The following KRT8 variants were observed in gnomAD, a reference collection of about 807,000 sequenced individuals.
KRT8 encodes the protein keratin, type II cytoskeletal 8.
KRT8 carries 24 observed loss-of-function variants against 43.0 expected under a neutral mutation model. The observed-to-expected ratio is 0.56, with a 90% CI of 0.40 to 0.78. The LOEUF (loss-of-function observed/expected upper bound fraction) is 0.78, where lower values mean the gene tolerates loss of function less well. Among genes scored for constraint, KRT8 ranks in the 30% least tolerant of loss-of-function variants. KRT8 has a pLI of 0.00. For synonymous variants in KRT8, 214 were observed against 261.2 expected, an observed-to-expected ratio of 0.82 and a Z score of 1.74; for missense variants, 492 against 638.4, an observed-to-expected ratio of 0.77 and a Z score of 2.47.
At chr12:52,934,457 G>T (rs1022844885) in intron 2 of KRT8, among the ~76,000 whole-genome samples, 1 of 152,124 alleles carries the variant, frequency 6.6e-6, no homozygotes, top group Admixed American at 6.6e-5. Context: ...CTACTCGGAA[G>T]GTTGAGGCAG....
intron 1 of KRT8, 56 bp from the exon 2 acceptor site, chr12:52,902,128 G>A (rs1009370256): frequency 8.7e-7 from 1 of 1,152,610 alleles, no homozygotes; most frequent in Non-Finnish European, 1.3e-6. Context: ...CTCAAAGTCT[G>A]GAGGAAAGCA....
intron 2 of KRT8, among the ~76,000 whole-genome samples, chr12:52,932,128 CTG>C (rs1942095070): frequency 6.9e-6 from 1 of 144,524 alleles, no homozygotes; most frequent in African/African-American, 2.6e-5. Context: ...GAGTCTCACT[CTG>C]TCACCCAGGC....
chr12:52,919,135 A>C (rs563642840), intron 2 of KRT8, among the ~76,000 whole-genome samples: 10 of 152,264 alleles, frequency 6.6e-5, no homozygotes, highest in African/African-American at 2.4e-4. Flanking sequence ...AGCCATGCAA[A>C]CAGAGCCCTG....
intron 5 of KRT8, 65 bp from the exon 6 acceptor site, chr12:52,898,964 C>T: frequency 6.8e-7 from 1 of 1,460,556 alleles, no homozygotes; most frequent in South Asian, 1.2e-5. Context: ...CGTGCTCCCA[C>T]CCTCCCTCAG....
intron 2 of KRT8, among the ~76,000 whole-genome samples, chr12:52,925,888 C>T (rs77749782): frequency 0.024 from 3,611 of 152,198 alleles, 73 homozygotes; most frequent in Admixed American, 0.051. Flanking sequence ...TTCTCTCCCC[C>T]TCAGGGCCCA....
intron 2 of KRT8, among the ~76,000 whole-genome samples, chr12:52,936,578 T>C (rs1029403262): frequency 3.3e-5 from 5 of 152,188 alleles, no homozygotes; most frequent in African/African-American, 1.2e-4. Flanking sequence ...AATGGCGCAA[T>C]CTGCACTCAC....
At chr12:52,906,481 C>T (rs1476050268), upstream of KRT8, 3 of 343,342 alleles carry the variant, frequency 8.7e-6, no homozygotes, top group Non-Finnish European at 1.7e-5. Context: ...CTCCCATTAT[C>T]AAAGTGAGTC....
chr12:52,911,516 C>G (rs1367432459), upstream of KRT8, among the ~76,000 whole-genome samples: 2 of 152,114 alleles, frequency 1.3e-5, no homozygotes, highest in African/African-American at 4.8e-5. Context: ...GTCACTTATT[C>G]CAATACTGTA....
chr12:52,897,459 A>G (rs1275615323), exon 8 of KRT8: 2 of 1,599,510 alleles, frequency 1.3e-6, no homozygotes, highest in Admixed American at 1.7e-5. Context: ...GGACTCAGAC[A>G]CCAGCTTCCC....
chr12:52,929,493 C>T (rs974617866), intron 2 of KRT8, among the ~76,000 whole-genome samples: 7 of 152,192 alleles, frequency 4.6e-5, no homozygotes, highest in African/African-American at 1.7e-4. Flanking sequence ...CTCGTCCAAC[C>T]GCCTTTCTTA....
chr12:52,942,334 T>C (rs1217094199), intron 2 of KRT8, among the ~76,000 whole-genome samples: 1 of 152,200 alleles, frequency 6.6e-6, no homozygotes, highest in Non-Finnish European at 1.5e-5. Flanking sequence ...CAAGGTCACC[T>C]AGCAAGGAAA....
At chr12:52,898,977 TCCTC>T in intron 5 of KRT8, 78 bp from the exon 6 acceptor site, 1 of 1,298,088 alleles carries the variant, frequency 7.7e-7, no homozygotes, top group Non-Finnish European at 1.1e-6. Context: ...TCCCTCAGGG[TCCTC>T]CCCACCACCA....
intron 2 of KRT8, among the ~76,000 whole-genome samples, chr12:52,940,855 T>C (rs1322200548): frequency 6.6e-6 from 1 of 151,962 alleles, no homozygotes; most frequent in African/African-American, 2.4e-5. Flanking sequence ...CTTGAACTTC[T>C]GAACTCGTGA....
At chr12:52,911,890 A>G (rs114739879), upstream of KRT8, among the ~76,000 whole-genome samples, 75 of 152,224 alleles carry the variant, frequency 4.9e-4, no homozygotes, top group African/African-American at 1.8e-3. Context: ...TTAGCCAAGT[A>G]TGGTGGCACA....
At chr12:52,941,478 C>CTTTTTTTTTT (rs774607187) in intron 2 of KRT8, among the ~76,000 whole-genome samples, 2 of 72,580 alleles carry the variant, frequency 2.8e-5, no homozygotes, top group African/African-American at 6.1e-5. Flanking sequence ...AGTTTTTGCT[C>CTTTTTTTTTT]TTTTTTTTTT....
chr12:52,908,970 A>G (rs936615890), upstream of KRT8, among the ~76,000 whole-genome samples: 1 of 152,224 alleles, frequency 6.6e-6, no homozygotes, highest in Non-Finnish European at 1.5e-5. Flanking sequence ...AGACTGTGCC[A>G]CTGCACTCTA....
intron 2 of KRT8, among the ~76,000 whole-genome samples, chr12:52,935,378 CAAAAAAAAAAAAAAAAAAA>C (rs71092794): frequency 4.2e-5 from 1 of 23,726 alleles, no homozygotes; most frequent in Non-Finnish European, 6.7e-5. Context: ...GACTCTGTCT[CAAAAAAAAAAAAAAAAAAA>C]AAAAAAAAAA....
chr12:52,897,285 T>G (rs760214632), exon 8 of KRT8: 30 of 797,226 alleles, frequency 3.8e-5, no homozygotes, highest in Non-Finnish European at 4.3e-5. Flanking sequence ...GGTCCCCAGG[T>G]AGTAAACTCC....
At chr12:52,942,051 A>G (rs905731512) in intron 2 of KRT8, among the ~76,000 whole-genome samples, 39 of 152,014 alleles carry the variant, frequency 2.6e-4, no homozygotes, top group African/African-American at 8.5e-4. Context: ...TTGTCCAATG[A>G]TCTGTTCCCT....
Sources: allele counts gnomAD v4.1 joint callset (sites outside exome capture counted in the v4.1 genomes callset), GRCh38; gene constraint gnomAD v4.1.1; transcripts MANE v1.5; gene names NCBI Gene and HGNC (gene_info 2026-07-23, HGNC 2026-07-21).